Variants in BMPER observed in about 807,000 individuals in gnomAD.
The protein encoded by BMPER is BMP-binding endothelial regulator protein.
Under a neutral mutation model 87.3 loss-of-function variants are expected in BMPER, and 45 were observed. The ratio of observed to expected loss-of-function variants is 0.52; its 90% confidence interval spans 0.41 to 0.66. The LOEUF is 0.66. BMPER is among the 30% of genes least tolerant of loss of function. BMPER has a pLI of 0.00. For missense variants in BMPER, 784 were observed against 867.5 expected, an observed-to-expected ratio of 0.90 and a Z score of 1.21; for synonymous variants, 326 against 316.2, an observed-to-expected ratio of 1.03 and a Z score of -0.33.
chr7:33,924,485 G>A (rs758988479), intron 2 of BMPER, among the ~76,000 whole-genome samples: 1 of 152,042 alleles, frequency 6.6e-6, no homozygotes, highest in African/African-American at 2.4e-5. Context: ...CTCTCACCGT[G>A]CTCCAGCTGC....
intron 6 of BMPER, among the ~76,000 whole-genome samples, chr7:34,031,903 T>C (rs1197644745): frequency 1.6e-5 from 2 of 122,756 alleles, no homozygotes; most frequent in African/African-American, 3.2e-5. Context: ...TATATATATA[T>C]ATATATATAT....
intron 2 of BMPER, among the ~76,000 whole-genome samples, chr7:33,909,246 A>C (rs1783894889): frequency 6.6e-6 from 1 of 152,188 alleles, no homozygotes; most frequent in Non-Finnish European, 1.5e-5. Context: ...GTTGCATTTG[A>C]GTAAATAGTG....
intron 2 of BMPER, among the ~76,000 whole-genome samples, chr7:33,922,840 G>T (rs1784269257): frequency 6.6e-6 from 1 of 152,178 alleles, no homozygotes; most frequent in South Asian, 2.1e-4. Context: ...TACTAATGAT[G>T]ATGTGCTGAT....
At chr7:34,097,611 CT>C (rs1789563806) in intron 13 of BMPER, among the ~76,000 whole-genome samples, 2 of 152,082 alleles carry the variant, frequency 1.3e-5, no homozygotes, top group Non-Finnish European at 2.9e-5. Flanking sequence ...TTCAGTGGGT[CT>C]AGGTGGGGCT....
intron 13 of BMPER, among the ~76,000 whole-genome samples, chr7:34,138,360 C>G (rs941978572): frequency 2.0e-5 from 3 of 152,134 alleles, no homozygotes; most frequent in Non-Finnish European, 4.4e-5. Context: ...AACATGCCTT[C>G]AAGGAGTCAT....
At position 34,092,469 on chromosome 7, in the gene BMPER, G is replaced by A. The variant is rs1789413179; in HGVS notation, c.1745+6377G>A. ...CCTCAAACTAGCCTCTTCTTGTATG[G>A]TGTTACAACAACTGGACCTCCAATG... is the stretch of plus-strand genomic sequence containing the variant. On this transcript the variant is annotated intron_variant, in intron 13 of 14. Transcript: ENST00000649409. 3.9e-5 allele frequency among the ~76,000 whole-genome samples: 6 copies of A among 152,258 alleles called. No homozygotes were observed. The South Asian group carries it at 1.0e-3, about 26-fold the overall frequency.
intron 13 of BMPER, among the ~76,000 whole-genome samples, chr7:34,088,545 G>A (rs540644181): frequency 3.3e-5 from 5 of 152,306 alleles, no homozygotes; most frequent in East Asian, 1.9e-4. Context: ...AGAATGAGCC[G>A]TGGGGAAGGG....
At chr7:33,905,359 G>GAAAAAAA (rs34276608), upstream of BMPER, 307 of 250,130 alleles carry the variant, frequency 1.2e-3, 1 homozygote, top group East Asian at 6.4e-3. Context: ...ACTCCCTCAG[G>GAAAAAAA]AAAAAAAAAA....
At chr7:33,969,642 G>C (rs900730283) in intron 4 of BMPER, among the ~76,000 whole-genome samples, 36 of 152,134 alleles carry the variant, frequency 2.4e-4, no homozygotes, top group Non-Finnish European at 3.4e-4. Flanking sequence ...TTCGTGATCC[G>C]CCCGCCTCAG....
intron 11 of BMPER, among the ~76,000 whole-genome samples, chr7:34,069,618 G>A (rs1788687270): frequency 1.3e-5 from 2 of 152,160 alleles, no homozygotes; most frequent in African/African-American, 4.8e-5. Flanking sequence ...ACTATTCTCT[G>A]TTCTCTATTG....
Position 33,931,948 on chromosome 7 carries a change from G to A in BMPER, c.220-5341G>A, listed in dbSNP as rs554384681. ...TGCCAGAAGTTACACCACAGTGTTT[G>A]TGTGATCTGCTGTTGTCTGTTGTCT... On this transcript the variant is annotated intron_variant, in intron 2 of 14. Coordinates refer to ENST00000649409, the MANE Select transcript of BMPER (RefSeq NM_001365308.1). Among the ~76,000 whole-genome samples, 4 of 152,334 alleles carry A rather than the reference G, an allele frequency of 2.6e-5. 1 individual carries two copies. In the South Asian group the frequency reaches 8.3e-4, roughly 32 times the overall value.
At chr7:34,113,596 A>G (rs939334433) in intron 13 of BMPER, among the ~76,000 whole-genome samples, 1 of 143,882 alleles carries the variant, frequency 7.0e-6, no homozygotes, top group African/African-American at 2.6e-5. Context: ...TACAAATTTT[A>G]TAATAAAATA....
chr7:33,993,496 G>T (rs1209024259), intron 6 of BMPER, among the ~76,000 whole-genome samples: 1 of 142,798 alleles, frequency 7.0e-6, no homozygotes, highest in Non-Finnish European at 1.5e-5. Context: ...TCTCTGTATT[G>T]GTTATTCTAG....
At chr7:33,907,770 C>G (rs975998242) in intron 2 of BMPER, among the ~76,000 whole-genome samples, 26 of 152,154 alleles carry the variant, frequency 1.7e-4, no homozygotes, top group African/African-American at 6.0e-4. Flanking sequence ...TTAAGGCAGT[C>G]AAATGCAAAG....
In BMPER at chr7:34,154,597, G is replaced by A. The variant is rs919277327; in HGVS notation, c.*1324G>A. 1.8e-4 allele frequency: 28 copies of A among 152,220 alleles called. No individual in the cohort carries two copies. Among genetic ancestry groups the A allele is most frequent in the African/African-American group, 6.3e-4 (26 of 41,526 alleles). The allele number at this position is 152,220 out of a possible 1,614,324, so 9.4% of individuals were successfully genotyped here. The stretch of plus-strand genomic sequence containing the variant: ...ACAGCTGTATTTAGTTATAATTTTT[G>A]TATCTTACAACAGTATATATAAAGA... On this transcript the variant is annotated 3_prime_UTR_variant, in exon 15 of 15. Coordinates refer to ENST00000649409, the MANE Select transcript of BMPER (RefSeq NM_001365308.1).
rs180719746 is a variant in BMPER, at chr7:34,017,349, C to T, written c.577-28957C>T. On this transcript the variant is annotated intron_variant, in intron 6 of 14. Transcript: ENST00000649409. ...ATTGACTCGCGGTTCCTCATGGCTG[C>T]GGGGACCTCACAATCATGGTGGAAG... 3.0e-4 allele frequency among the ~76,000 whole-genome samples: 46 copies of T among 151,838 alleles called. 1 individual carries two copies. The highest frequency in any genetic ancestry group is 2.1e-3 in the Admixed American group (32 of 15,216).
At chr7:34,066,889 A>G (rs1003188311) in intron 11 of BMPER, among the ~76,000 whole-genome samples, 4 of 152,136 alleles carry the variant, frequency 2.6e-5, no homozygotes, top group African/African-American at 9.7e-5. Flanking sequence ...GATTGAGTAT[A>G]TGAGAAAATT....
intron 11 of BMPER, among the ~76,000 whole-genome samples, chr7:34,068,401 T>C (rs1247662460): frequency 1.3e-5 from 2 of 152,236 alleles, no homozygotes; most frequent in Non-Finnish European, 2.9e-5. Context: ...TTGTAAGCAT[T>C]GGAGACTGGC....
intron 2 of BMPER, among the ~76,000 whole-genome samples, chr7:33,908,173 T>G (rs1225863023): frequency 6.6e-6 from 1 of 152,222 alleles, no homozygotes; most frequent in Non-Finnish European, 1.5e-5. Context: ...TTTGACTCAG[T>G]TGTAGATTTA....
Sources: gnomAD v4.1 joint callset for allele counts (sites outside exome capture counted in the v4.1 genomes callset) on GRCh38, gnomAD v4.1.1 for gene constraint, MANE v1.5 for transcripts, NCBI Gene and HGNC (gene_info 2026-07-23, HGNC 2026-07-21) for gene names.